The following TMEM108 variants were observed in gnomAD, a reference collection of about 807,000 sequenced individuals.
TMEM108 encodes transmembrane protein 108, also known as cancer/testis antigen 124.
In TMEM108, 12 loss-of-function variants were observed where a neutral mutation model predicts 35.1. The observed-to-expected ratio is 0.34, with a 90% CI of 0.22 to 0.55. TMEM108 has a LOEUF of 0.55. TMEM108 is among the 20% of genes least tolerant of loss of function. TMEM108 has a pLI of 0.89. For synonymous variants in TMEM108, 287 were observed against 308.6 expected (o/e 0.93, Z 0.73); for missense variants, 680 against 753.3 (o/e 0.90, Z 1.14).
At chr3:133,254,932 T>A (rs1946524411) in intron 3 of TMEM108, among the ~76,000 whole-genome samples, 1 of 152,232 alleles carries the variant, frequency 6.6e-6, no homozygotes, top group Admixed American at 6.5e-5. Context: ...TGGTGGTTCA[T>A]GCTGGCTGTG....
chr3:133,122,862 CAAAA>C (rs11375073), intron 2 of TMEM108, among the ~76,000 whole-genome samples: 2 of 104,402 alleles, frequency 1.9e-5, no homozygotes, highest in African/African-American at 4.1e-5. Context: ...GACTCCATCT[CAAAA>C]AAAAAAAAAA....
intron 2 of TMEM108, among the ~76,000 whole-genome samples, chr3:133,081,644 A>T (rs552140800): frequency 3.2e-4 from 49 of 152,340 alleles, no homozygotes; most frequent in Non-Finnish European, 6.0e-4. Flanking sequence ...TCTGACTCTT[A>T]TTTAATGCTT....
chr3:133,116,032 A>G (rs1944284078), intron 2 of TMEM108, among the ~76,000 whole-genome samples: 1 of 152,242 alleles, frequency 6.6e-6, no homozygotes, highest in Non-Finnish European at 1.5e-5. Flanking sequence ...CAGTTTACAT[A>G]GCAGGAAACT....
At chr3:133,062,850 G>A (rs575339480) in intron 2 of TMEM108, among the ~76,000 whole-genome samples, 3 of 152,306 alleles carry the variant, frequency 2.0e-5, no homozygotes, top group South Asian at 4.1e-4. Flanking sequence ...GCCTTCATGT[G>A]TATGAGTGGA....
At chr3:133,090,221 C>T (rs1054967394) in intron 2 of TMEM108, among the ~76,000 whole-genome samples, 10 of 152,140 alleles carry the variant, frequency 6.6e-5, no homozygotes, top group Non-Finnish European at 1.5e-4. Flanking sequence ...CCCATTAAAA[C>T]GAAACAAAAA....
intron 3 of TMEM108, among the ~76,000 whole-genome samples, chr3:133,360,007 T>TTA (rs371737201): frequency 1.8e-5 from 2 of 112,922 alleles, no homozygotes; most frequent in Non-Finnish European, 3.5e-5. Flanking sequence ...ACTCAACAGT[T>TTA]AAAAAAAAAA....
chr3:133,205,416 T>C (rs918771083), intron 2 of TMEM108, among the ~76,000 whole-genome samples: 7 of 152,176 alleles, frequency 4.6e-5, no homozygotes, highest in Non-Finnish European at 1.0e-4. Flanking sequence ...CTTTATAATT[T>C]GGTATGTTTT....
At chr3:133,158,877 A>G (rs1377201607) in intron 2 of TMEM108, among the ~76,000 whole-genome samples, 1 of 152,206 alleles carries the variant, frequency 6.6e-6, no homozygotes, top group African/African-American at 2.4e-5. Context: ...ACTGTCATCC[A>G]GCTGCCAATC....
In TMEM108 at chr3:133,271,556, T is replaced by C. The variant is rs145554996; in HGVS notation, c.40+42205T>C. ...GAAGGTCTTTCTGCCCATTAGATGC[T>C]GTTCACGAGAGAGAAATAGCAGGAA... On this transcript the variant is annotated intron_variant, in intron 3 of 5. Coordinates refer to ENST00000321871, the MANE Select transcript of TMEM108 (RefSeq NM_023943.4). Among the ~76,000 whole-genome samples, 1,013 of 152,296 alleles carry C rather than the reference T, an allele frequency of 6.7e-3. 16 individuals carry two copies. Among genetic ancestry groups the C allele is most frequent in the African/African-American group, 0.023 (952 of 41,556 alleles).
At position 133,221,710 on chromosome 3, in the gene TMEM108, T is replaced by C. The variant is rs1945995685; in HGVS notation, c.-46-7556T>C. On this transcript the variant is annotated intron_variant, in intron 2 of 5. Transcript: ENST00000321871. ...ACTTTTGTGGCTCCACTATAGTATT[T>C]TGCTTTGTGTTTACCATGAGGCTTA... is the stretch of plus-strand genomic sequence containing the variant. Among the ~76,000 whole-genome samples the C allele has an allele frequency of 4.0e-5, 6 of 150,908 alleles. No individual in the cohort carries two copies. In the South Asian group the frequency reaches 1.3e-3, roughly 32 times the overall value.
intron 3 of TMEM108, among the ~76,000 whole-genome samples, chr3:133,251,826 A>T (rs1364768482): frequency 6.6e-6 from 1 of 152,224 alleles, no homozygotes; most frequent in Non-Finnish European, 1.5e-5. Context: ...TGGATAGTCA[A>T]CTAGTCATCT....
At chr3:133,144,558 A>G (rs547432598) in intron 2 of TMEM108, among the ~76,000 whole-genome samples, 5 of 152,356 alleles carry the variant, frequency 3.3e-5, no homozygotes, top group African/African-American at 1.2e-4. Context: ...ACTGTCTTCC[A>G]CAATAGTTGA....
intron 3 of TMEM108, 121 bp from the exon 4 acceptor site, chr3:133,379,631 C>A (rs2072941687): frequency 2.1e-6 from 2 of 967,968 alleles, no homozygotes; most frequent in Non-Finnish European, 3.1e-6. Context: ...CTAGTGTGGG[C>A]TCAGGAATGC....
intron 3 of TMEM108, among the ~76,000 whole-genome samples, chr3:133,356,386 G>C (rs1404651004): frequency 6.6e-6 from 1 of 152,098 alleles, no homozygotes; most frequent in Non-Finnish European, 1.5e-5. Flanking sequence ...TTGTGAAAAT[G>C]ACCAGACTGC....
chr3:133,385,477 C>A (rs112852341), intron 4 of TMEM108, among the ~76,000 whole-genome samples: 1,653 of 152,296 alleles, frequency 0.011, 29 homozygotes, highest in African/African-American at 0.036. Context: ...CTAAGCCCCC[C>A]AGCCTGACCT....
intron 2 of TMEM108, among the ~76,000 whole-genome samples, chr3:133,177,350 G>A (rs1945249932): frequency 6.6e-6 from 1 of 152,120 alleles, no homozygotes; most frequent in African/African-American, 2.4e-5. Flanking sequence ...AAGCCTGGCA[G>A]AGACACAACA....
chr3:133,395,792 T>C, intron 5 of TMEM108, 72 bp from the exon 6 acceptor site: 3 of 1,413,408 alleles, frequency 2.1e-6, no homozygotes, highest in Non-Finnish European at 1.9e-6. Context: ...TTCCCATGTG[T>C]ACATTTCTTT....
intron 2 of TMEM108, among the ~76,000 whole-genome samples, chr3:133,060,358 G>C (rs1170319609): frequency 6.6e-6 from 1 of 152,198 alleles, no homozygotes; most frequent in African/African-American, 2.4e-5. Context: ...ACACGTAGTA[G>C]AGCATGGCCT....
At chr3:133,136,061 T>C (rs144042413) in intron 2 of TMEM108, among the ~76,000 whole-genome samples, 171 of 152,348 alleles carry the variant, frequency 1.1e-3, no homozygotes, top group Non-Finnish European at 1.7e-3. Context: ...ACTTTCTGAA[T>C]TGGAATACAG....
Sources: allele counts gnomAD v4.1 joint callset (sites outside exome capture counted in the v4.1 genomes callset), GRCh38; gene constraint gnomAD v4.1.1; transcripts MANE v1.5; gene names NCBI Gene and HGNC (gene_info 2026-07-23, HGNC 2026-07-21).